The following EXOC2 variants were observed in gnomAD, a reference collection of about 807,000 sequenced individuals.
EXOC2 encodes exocyst complex component 2, also known as SEC5-like 1.
In EXOC2, 70 loss-of-function variants were observed where a neutral mutation model predicts 131.8. That is an observed-to-expected ratio of 0.53 (90% confidence interval 0.44 to 0.65). EXOC2 has a LOEUF of 0.65. Among genes scored for constraint, EXOC2 ranks in the 30% least tolerant of loss-of-function variants. The pLI is 0.00. For missense variants in EXOC2, 923 were observed against 1,108.6 expected (o/e 0.83, Z 2.38); for synonymous variants, 411 against 398.4 (o/e 1.03, Z -0.38).
At chr6:521,370 A>C (rs564029648) in intron 23 of EXOC2, among the ~76,000 whole-genome samples, 3 of 152,340 alleles carry the variant, frequency 2.0e-5, no homozygotes, top group Non-Finnish European at 4.4e-5. Flanking sequence ...AGACAAAAAC[A>C]GATTCTGAAA....
chr6:606,477 T>C (rs1197552687), intron 7 of EXOC2, among the ~76,000 whole-genome samples: 1 of 152,098 alleles, frequency 6.6e-6, no homozygotes, highest in Non-Finnish European at 1.5e-5. Flanking sequence ...ATCAGAAACA[T>C]TTAAAATTAA....
intron 6 of EXOC2, among the ~76,000 whole-genome samples, chr6:617,288 C>T (rs1166177004): frequency 6.6e-6 from 1 of 152,232 alleles, no homozygotes; most frequent in Non-Finnish European, 1.5e-5. Context: ...TGACAGCTAC[C>T]TGCGTGCATA....
intron 1 of EXOC2, among the ~76,000 whole-genome samples, chr6:680,908 G>T (rs1170631286): frequency 1.3e-5 from 2 of 152,148 alleles, no homozygotes; most frequent in African/African-American, 4.8e-5. Flanking sequence ...GTGAAACGGT[G>T]GCCGGGCTGA....
chr6:665,125 A>C (rs554103271), intron 1 of EXOC2, among the ~76,000 whole-genome samples: 1 of 152,240 alleles, frequency 6.6e-6, no homozygotes, highest in Non-Finnish European at 1.5e-5. Flanking sequence ...GGCTAAGGAC[A>C]TGAATAGGCA....
At chr6:490,307 C>A (rs997144648) in intron 26 of EXOC2, among the ~76,000 whole-genome samples, 1 of 152,166 alleles carries the variant, frequency 6.6e-6, no homozygotes, top group Non-Finnish European at 1.5e-5. Flanking sequence ...GAAGTGTGCA[C>A]ACATCCAACA....
intron 11 of EXOC2, among the ~76,000 whole-genome samples, chr6:578,845 T>C (rs1484042316): frequency 1.3e-5 from 2 of 152,164 alleles, no homozygotes; most frequent in African/African-American, 4.8e-5. Context: ...AATGTTTGTG[T>C]GGATGTTCTA....
intron 1 of EXOC2, among the ~76,000 whole-genome samples, chr6:647,444 T>G (rs1347344528): frequency 6.6e-6 from 1 of 150,406 alleles, no homozygotes; most frequent in Non-Finnish European, 1.5e-5. Flanking sequence ...ATCTAGTCTC[T>G]TCACCTGAAG....
At chr6:511,666 C>T (rs1466202341) in intron 23 of EXOC2, among the ~76,000 whole-genome samples, 5 of 152,220 alleles carry the variant, frequency 3.3e-5, no homozygotes, top group African/African-American at 4.8e-5. Flanking sequence ...CAGGGGCCTG[C>T]GTTTCTAAAG....
chr6:675,616 TTCAGCATTACAGAAAGGACAGGTTCC>T (rs1764080860), intron 1 of EXOC2, among the ~76,000 whole-genome samples: 1 of 36,056 alleles, frequency 2.8e-5, no homozygotes, highest in African/African-American at 6.5e-5. Context: ...CCCCATACTC[TTCAGCATTACAGAAAGGACAGGTTCC>T]TCTGGCGACT....
intron 22 of EXOC2, among the ~76,000 whole-genome samples, chr6:541,451 C>A (rs375342273): frequency 6.6e-6 from 1 of 152,006 alleles, no homozygotes; most frequent in East Asian, 1.9e-4. Context: ...AAGGATATAA[C>A]GAGAGAGCAC....
chr6:518,052 G>A (rs1051167461), intron 23 of EXOC2, among the ~76,000 whole-genome samples: 5 of 152,094 alleles, frequency 3.3e-5, no homozygotes, highest in South Asian at 2.1e-4. Context: ...ATCCTGATAC[G>A]AACAAACTGT....
At chr6:556,120 G>T in intron 18 of EXOC2, 107 bp from the exon 19 acceptor site, 2 of 1,002,826 alleles carry the variant, frequency 2.0e-6, no homozygotes, top group Non-Finnish European at 1.5e-6. Flanking sequence ...CTGCAGGAGT[G>T]GTGCCCTTCC....
intron 1 of EXOC2, among the ~76,000 whole-genome samples, chr6:641,107 C>A (rs572509246): frequency 1.3e-5 from 2 of 151,978 alleles, no homozygotes; most frequent in African/African-American, 4.8e-5. Context: ...GCACAAAAGG[C>A]GGATGTGTGT....
intron 22 of EXOC2, among the ~76,000 whole-genome samples, chr6:546,528 A>ATG (rs906719903): frequency 2.6e-5 from 4 of 152,108 alleles, no homozygotes; most frequent in African/African-American, 9.7e-5. Flanking sequence ...GGTCTGAACT[A>ATG]TGTGGGTCCA....
At chr6:608,238 C>A (rs1054868612) in intron 7 of EXOC2, among the ~76,000 whole-genome samples, 1 of 152,254 alleles carries the variant, frequency 6.6e-6, no homozygotes, top group East Asian at 1.9e-4. Context: ...GGGACTCTCT[C>A]GGGGCCAGAG....
At chr6:535,967 G>A (rs1025636749) in intron 22 of EXOC2, among the ~76,000 whole-genome samples, 1 of 152,098 alleles carries the variant, frequency 6.6e-6, no homozygotes, top group Non-Finnish European at 1.5e-5. Flanking sequence ...TTTTTCAACA[G>A]ATGAAAAAGC....
chr6:555,234 T>C lies in EXOC2; in HGVS notation c.2047A>G (p.Thr683Ala), dbSNP rs1396895608. 3 of 1,501,322 alleles carry C rather than the reference T, an allele frequency of 2.0e-6. No individual in the cohort carries two copies. Among genetic ancestry groups the C allele is most frequent in the Non-Finnish European group, 2.7e-6 (3 of 1,108,286 alleles). The allele number at this position is 1,501,322 out of a possible 1,614,324, so 93.0% of individuals were successfully genotyped here. A position where few individuals can be genotyped will look rare whatever the true frequency, so the allele number is the denominator to read the frequency against. ...AATTTAATTTTTACTTACTGTGTAG[T>C]ATCTATATCTGCATCAGGCTTGGTG... ...LSTKPDADIDTTHLSVDVSSP... is the reference protein window; with the variant it reads ...LSTKPDADIDATHLSVDVSSP... Residue 683 changes from threonine (T) to alanine (A), a missense_variant, in exon 20 of 28, where the codon ACT becomes GCT. Transcript: ENST00000230449.
intron 1 of EXOC2, among the ~76,000 whole-genome samples, chr6:639,016 G>C (rs1762233453): frequency 1.3e-5 from 2 of 152,198 alleles, no homozygotes; most frequent in Admixed American, 1.3e-4. Flanking sequence ...GTGGGGTGAG[G>C]CTCAGAGCAG....
intron 23 of EXOC2, among the ~76,000 whole-genome samples, chr6:530,005 CT>C (rs1249009435): frequency 1.3e-5 from 2 of 152,238 alleles, no homozygotes; most frequent in Non-Finnish European, 2.9e-5. Flanking sequence ...GTTAGATACA[CT>C]TGACAGTCGC....
Sources: gnomAD v4.1 joint callset for allele counts (sites outside exome capture counted in the v4.1 genomes callset) on GRCh38, gnomAD v4.1.1 for gene constraint, MANE v1.5 for transcripts, NCBI Gene and HGNC (gene_info 2026-07-23, HGNC 2026-07-21) for gene names.